The following RALA variants were observed in gnomAD, a reference collection of about 807,000 sequenced individuals.
RALA encodes RAS like proto-oncogene A.
RALA carries 5 observed loss-of-function variants against 24.0 expected under a neutral mutation model. The ratio of observed to expected loss-of-function variants is 0.21; its 90% CI spans 0.11 to 0.44. The LOEUF (loss-of-function observed/expected upper bound fraction) is 0.44. Ranked by LOEUF, RALA falls within the 20% of genes least tolerant of loss-of-function variation. The probability of loss-of-function intolerance (pLI) is 0.99; values close to 1 mark genes in which losing one functional copy is unlikely to be tolerated. For synonymous variants in RALA, 77 were observed against 83.8 expected, an observed-to-expected ratio of 0.92 and a Z score of 0.44; for missense variants, 95 against 241.2, an observed-to-expected ratio of 0.39 and a Z score of 4.01.
intron 3 of RALA, among the ~76,000 whole-genome samples, chr7:39,692,105 T>C (rs1156326950): frequency 6.6e-6 from 1 of 152,200 alleles, no homozygotes; most frequent in Non-Finnish European, 1.5e-5. Flanking sequence ...TGAAAGGCTT[T>C]TTTGAAAAGG....
In RALA at chr7:39,684,712, T is replaced by TAA. The variant is rs34582850; in HGVS notation, c.-37-1904_-37-1903dup. On this transcript the variant is annotated intron_variant, in intron 1 of 4. Coordinates refer to ENST00000005257, the MANE Select transcript of RALA (RefSeq NM_005402.4). ...AATACACTAACGATAGCTGATGAGC[T>TAA]AAAAAAAAAAAAAAAAGAAAAAAAA... Among the ~76,000 whole-genome samples, 466 of 110,312 alleles carry TAA rather than the reference T, an allele frequency of 4.2e-3. 2 individuals are homozygous for TAA. The highest frequency in any genetic ancestry group is 5.0e-3 in the Middle Eastern group (1 of 200). The allele number at this position is 110,312 out of a possible 152,430, so 72.4% of individuals were successfully genotyped here.
chr7:39,671,906 G>A lies in RALA; in HGVS notation c.-37-14725G>A, dbSNP rs148785131. ...TGTTGTTCCTACCGAGCTTGATGGC[G>A]TATTTAAAATGGAGGGTTTAACTAT... On this transcript the variant is annotated intron_variant, in intron 1 of 4. Coordinates refer to ENST00000005257, the MANE Select transcript of RALA (RefSeq NM_005402.4). Among the ~76,000 whole-genome samples, 81 of 152,220 alleles carry A rather than the reference G, an allele frequency of 5.3e-4. No individual in the cohort carries two copies. The Middle Eastern group carries it at 0.014, about 26-fold the overall frequency.
At chr7:39,645,644 C>T (rs1291485100) in intron 1 of RALA, among the ~76,000 whole-genome samples, 2 of 152,166 alleles carry the variant, frequency 1.3e-5, no homozygotes, top group Non-Finnish European at 2.9e-5. Context: ...TAAAATGTTT[C>T]TTGAATGAAT....
At chr7:39,692,976 G>C (rs1330628357) in intron 3 of RALA, among the ~76,000 whole-genome samples, 2 of 152,182 alleles carry the variant, frequency 1.3e-5, no homozygotes, top group Non-Finnish European at 2.9e-5. Context: ...TGGTGAGAGT[G>C]TAAATTAGTT....
chr7:39,681,883 C>A (rs1792609942), intron 1 of RALA, among the ~76,000 whole-genome samples: 1 of 152,194 alleles, frequency 6.6e-6, no homozygotes, highest in Non-Finnish European at 1.5e-5. Context: ...ATTTCTTTCC[C>A]AGACCTATTC....
rs141894283 is a variant in RALA, at chr7:39,673,620, T to C, written c.-37-13011T>C. ...ATATAACCATTTACCCTTTGAAATC[T>C]CTTATTTGTAGTAATTTTGCAGTTG... On this transcript the variant is annotated intron_variant, in intron 1 of 4. Coordinates refer to ENST00000005257, the MANE Select transcript of RALA (RefSeq NM_005402.4). Among the ~76,000 whole-genome samples the C allele has an allele frequency of 1.4e-4, 21 of 152,292 alleles. No individual in the cohort carries two copies. The East Asian group carries it at 3.3e-3, about 24-fold the overall frequency.
intron 1 of RALA, among the ~76,000 whole-genome samples, chr7:39,647,206 C>CTGATTTTTG (rs889741801): frequency 6.6e-6 from 1 of 152,140 alleles, no homozygotes; most frequent in African/African-American, 2.4e-5. Flanking sequence ...GCATGCCCAG[C>CTGATTTTTG]TGATTTTTGT....
At chr7:39,625,289 A>C (rs1408529742) in intron 1 of RALA, among the ~76,000 whole-genome samples, 2 of 152,208 alleles carry the variant, frequency 1.3e-5, no homozygotes, top group African/African-American at 4.8e-5. Flanking sequence ...CTCCTCTGAA[A>C]GGTTAAAATT....
In RALA at chr7:39,634,873, T is replaced by C. The variant is rs1791659939; in HGVS notation, c.-38+11048T>C. On this transcript the variant is annotated intron_variant, in intron 1 of 4. Coordinates refer to ENST00000005257, the MANE Select transcript of RALA (RefSeq NM_005402.4). The stretch of plus-strand genomic sequence containing the variant: ...ATCCATTTCTTTGTTTTGTTAAAGT[T>C]TCTACTTATCTGGTTACAACTGCTT... 1.3e-5 allele frequency among the ~76,000 whole-genome samples: 2 copies of C among 152,236 alleles called. 1 individual carries two copies. Among genetic ancestry groups the C allele is most frequent in the Admixed American group, 1.3e-4 (2 of 15,288 alleles).
chr7:39,651,826 C>T (rs1381402698), intron 1 of RALA, among the ~76,000 whole-genome samples: 1 of 152,108 alleles, frequency 6.6e-6, no homozygotes, highest in Non-Finnish European at 1.5e-5. Flanking sequence ...TTATTCAGTA[C>T]TCAGTGTCAT....
chr7:39,624,443 A>C (rs1385673802), intron 1 of RALA: 1 of 152,062 alleles, frequency 6.6e-6, no homozygotes. Flanking sequence ...CTAGCTTCTA[A>C]TATGAGGAAG....
intron 1 of RALA, among the ~76,000 whole-genome samples, chr7:39,673,078 C>T (rs1420678831): frequency 6.6e-6 from 1 of 152,156 alleles, no homozygotes; most frequent in Non-Finnish European, 1.5e-5. Context: ...ATCCCAGCTA[C>T]TCAGGAGGCT....
At chr7:39,647,762 A>T (rs1791951640) in intron 1 of RALA, among the ~76,000 whole-genome samples, 1 of 152,192 alleles carries the variant, frequency 6.6e-6, no homozygotes, top group Non-Finnish European at 1.5e-5. Context: ...TTACAGTGAG[A>T]ACACAGCCAT....
rs1488393617 is a variant in RALA, at chr7:39,703,738, A to C, written c.499-2385A>C. On this transcript the variant is annotated intron_variant, in intron 4 of 4. Transcript: ENST00000005257. ...TTCAAATTTAACATTACAAATGTTT[A>C]CATCTTTGATTTTGTACTTGTATCT... 2.0e-5 allele frequency among the ~76,000 whole-genome samples: 3 copies of C among 152,232 alleles called. No individual in the cohort carries two copies. In the East Asian group the frequency reaches 5.8e-4, roughly 29 times the overall value.
intron 1 of RALA, among the ~76,000 whole-genome samples, chr7:39,670,981 A>G (rs560949988): frequency 3.3e-5 from 5 of 152,180 alleles, no homozygotes; most frequent in East Asian, 1.9e-4. Flanking sequence ...TTTCCTTACC[A>G]TAGTCACTTA....
chr7:39,684,199 G>C (rs1311324720), intron 1 of RALA, among the ~76,000 whole-genome samples: 1 of 152,106 alleles, frequency 6.6e-6, no homozygotes, highest in African/African-American at 2.4e-5. Flanking sequence ...TGTGTTTGTT[G>C]AGTTAAATTG....
At chr7:39,638,669 A>G (rs554816305) in intron 1 of RALA, among the ~76,000 whole-genome samples, 13 of 150,810 alleles carry the variant, frequency 8.6e-5, no homozygotes, top group Admixed American at 7.9e-4. Context: ...ATGGTCTGAA[A>G]CTCCTGGGCT....
intron 1 of RALA, among the ~76,000 whole-genome samples, chr7:39,661,254 A>G (rs1441775940): frequency 3.3e-5 from 5 of 152,208 alleles, no homozygotes; most frequent in African/African-American, 9.6e-5. Context: ...CAACCAAACC[A>G]TGTCATTCTG....
At chr7:39,628,702 C>T (rs1193796907) in intron 1 of RALA, among the ~76,000 whole-genome samples, 1 of 152,016 alleles carries the variant, frequency 6.6e-6, no homozygotes, top group Non-Finnish European at 1.5e-5. Context: ...ATTACAGGCA[C>T]GCGGCACCAT....
Sources: allele counts gnomAD v4.1 joint callset (sites outside exome capture counted in the v4.1 genomes callset), GRCh38; gene constraint gnomAD v4.1.1; transcripts MANE v1.5; gene names NCBI Gene and HGNC (gene_info 2026-07-23, HGNC 2026-07-21).